Variants in DNAI7 observed in about 807,000 individuals in gnomAD.
The protein encoded by DNAI7 is cancer susceptibility 1.
Under a neutral mutation model 86.6 loss-of-function variants are expected in DNAI7, and 78 were observed. That is an observed-to-expected ratio of 0.90 (90% CI 0.75 to 1.09). The LOEUF (loss-of-function observed/expected upper bound fraction) is 1.09. Ranked by LOEUF, DNAI7 falls within the 50% of genes least tolerant of loss-of-function variation. The pLI, the probability that DNAI7 is intolerant of heterozygous loss-of-function variation, is 0.00. For missense variants in DNAI7, 753 were observed against 810.2 expected (o/e 0.93, Z 0.86); for synonymous variants, 274 against 273.0 (o/e 1.00, Z -0.04).
intron 12 of DNAI7, among the ~76,000 whole-genome samples, chr12:25,116,892 T>C (rs79814278): frequency 0.072 from 11,031 of 152,290 alleles, 425 homozygotes; most frequent in South Asian, 0.13. Context: ...TTCATGTTGA[T>C]GTATTTTATA....
chr12:25,164,393 T>C (rs1947195658), intron 2 of DNAI7, among the ~76,000 whole-genome samples: 1 of 152,078 alleles, frequency 6.6e-6, no homozygotes, highest in African/African-American at 2.4e-5. Flanking sequence ...GCTTGCCTCC[T>C]TCACTATGGG....
At chr12:25,174,066 T>C (rs1255744399) in intron 2 of DNAI7, among the ~76,000 whole-genome samples, 5 of 148,824 alleles carry the variant, frequency 3.4e-5, no homozygotes, top group African/African-American at 4.9e-5. Flanking sequence ...ATATCATATA[T>C]TGGCCATTTG....
intron 2 of DNAI7, among the ~76,000 whole-genome samples, chr12:25,179,799 A>G (rs1295551402): frequency 2.0e-5 from 3 of 152,098 alleles, no homozygotes; most frequent in African/African-American, 7.2e-5. Context: ...CAAACTAGTA[A>G]GAACCATCTA....
intron 2 of DNAI7, among the ~76,000 whole-genome samples, chr12:25,173,831 C>A (rs955241396): frequency 7.3e-5 from 10 of 136,082 alleles, no homozygotes; most frequent in Non-Finnish European, 1.4e-4. Flanking sequence ...CATATATATA[C>A]CACATCATAT....
intron 2 of DNAI7, among the ~76,000 whole-genome samples, chr12:25,186,722 G>A (rs1950072329): frequency 6.6e-6 from 1 of 152,130 alleles, no homozygotes; most frequent in East Asian, 1.9e-4. Flanking sequence ...TAACAGATAA[G>A]CTTTACTTTG....
intron 2 of DNAI7, among the ~76,000 whole-genome samples, chr12:25,174,372 T>TATATATATGATATATATATGGGATATA (rs1491148819): frequency 5.0e-4 from 3 of 6,056 alleles, no homozygotes; most frequent in East Asian, 5.2e-3. Context: ...CATATATATG[T>TATATATATGATATATATATGGGATATA]TATATCATAT....
At chr12:25,116,802 T>C (rs1409722604) in intron 12 of DNAI7, among the ~76,000 whole-genome samples, 1 of 152,156 alleles carries the variant, frequency 6.6e-6, no homozygotes. Flanking sequence ...GCTGTGTTAA[T>C]AATTTTTAAT....
chr12:25,187,298 A>G (rs1950121603), intron 2 of DNAI7, among the ~76,000 whole-genome samples: 1 of 152,156 alleles, frequency 6.6e-6, no homozygotes, highest in African/African-American at 2.4e-5. Context: ...TCCCCCAGGT[A>G]ATTACTAACC....
At chr12:25,142,455 T>C (rs1944321700) in intron 9 of DNAI7, among the ~76,000 whole-genome samples, 1 of 151,694 alleles carries the variant, frequency 6.6e-6, no homozygotes, top group Admixed American at 6.6e-5. Flanking sequence ...AACTTATCCA[T>C]GTAACCAAAT....
At chr12:25,152,074 C>G (rs761881823) in intron 6 of DNAI7, among the ~76,000 whole-genome samples, 13 of 152,206 alleles carry the variant, frequency 8.5e-5, no homozygotes, top group Non-Finnish European at 1.8e-4. Context: ...TTTATCCTAA[C>G]TTGACGTGAC....
intron 12 of DNAI7, among the ~76,000 whole-genome samples, chr12:25,117,146 C>G (rs1035814875): frequency 6.6e-6 from 1 of 152,018 alleles, no homozygotes; most frequent in Non-Finnish European, 1.5e-5. Flanking sequence ...GTTGCCCAGG[C>G]TGGTCTTGAA....
intron 2 of DNAI7, among the ~76,000 whole-genome samples, chr12:25,174,806 T>C (rs970420051): frequency 2.0e-5 from 3 of 149,906 alleles, no homozygotes; most frequent in Non-Finnish European, 4.4e-5. Context: ...TTAACAGCAT[T>C]TGCAGTGACC....
chr12:25,173,019 A>T (rs1948309996), intron 2 of DNAI7, among the ~76,000 whole-genome samples: 1 of 152,220 alleles, frequency 6.6e-6, no homozygotes, highest in South Asian at 2.1e-4. Context: ...AACACTAGAA[A>T]AACTGTTCTA....
intron 9 of DNAI7, among the ~76,000 whole-genome samples, chr12:25,129,766 TA>T (rs199761537): frequency 1.5e-5 from 1 of 66,778 alleles, no homozygotes; most frequent in Admixed American, 2.1e-4. Context: ...ATTTTATTTT[TA>T]TTTTTTTTTT....
intron 8 of DNAI7, among the ~76,000 whole-genome samples, chr12:25,146,222 C>G (rs1216159413): frequency 1.7e-5 from 2 of 120,052 alleles, no homozygotes; most frequent in African/African-American, 6.3e-5. Context: ...AACTCTGTCT[C>G]AAAAAAAAAA....
At chr12:25,144,239 C>A (rs183684461) in intron 9 of DNAI7, 126 bp downstream of exon 9, 8 of 729,860 alleles carry the variant, frequency 1.1e-5, no homozygotes, top group African/African-American at 3.5e-5. Flanking sequence ...AAAATTGAGG[C>A]ACTGGCAAGA....
rs1173396136 is a variant in DNAI7 at position 25,169,847 on chromosome 12, CA to C, written c.22-8651del. On this transcript the variant is annotated intron_variant, in intron 2 of 15. Coordinates refer to ENST00000395987, the MANE Select transcript of DNAI7 (RefSeq NM_018272.5). ...TGGGTGACAGAGCAAGACTCTGTCT[CA>C]AAAAAAAAAAAAAAAAGAAAAAAAA... 3.2e-3 allele frequency among the ~76,000 whole-genome samples: 213 copies of C among 66,678 alleles called. 1 individual carries two copies. The highest frequency in any genetic ancestry group is 4.3e-3 in the Non-Finnish European group (112 of 26,340). The allele number at this position is 66,678 out of a possible 152,430, so 43.7% of individuals were successfully genotyped here. A position where few individuals can be genotyped will look rare whatever the true frequency, so the allele number is the denominator to read the frequency against.
intron 7 of DNAI7, among the ~76,000 whole-genome samples, chr12:25,147,479 A>AC (rs1555170102): frequency 3.3e-5 from 5 of 150,558 alleles, no homozygotes; most frequent in South Asian, 2.1e-4. Context: ...TAATGAGACC[A>AC]CCCCCATCTC....
intron 2 of DNAI7, among the ~76,000 whole-genome samples, chr12:25,163,540 T>A (rs1247260246): frequency 6.6e-6 from 1 of 152,182 alleles, no homozygotes; most frequent in Non-Finnish European, 1.5e-5. Flanking sequence ...CTTTTCGGAC[T>A]CAGCCCACCT....
Sources: gnomAD v4.1 joint callset for allele counts (sites outside exome capture counted in the v4.1 genomes callset) on GRCh38, gnomAD v4.1.1 for gene constraint, MANE v1.5 for transcripts, NCBI Gene and HGNC (gene_info 2026-07-23, HGNC 2026-07-21) for gene names.